ANK3: variants seen among roughly 807,000 people sequenced by gnomAD.
ANK3 encodes the protein ankyrin-3.
In ANK3, 57 loss-of-function variants were observed where a neutral mutation model predicts 370.9. The ratio of observed to expected loss-of-function variants is 0.15; its 90% CI spans 0.12 to 0.19. The LOEUF (loss-of-function observed/expected upper bound fraction) is 0.19, where lower values mean the gene tolerates loss of function less well. ANK3 is among the 10% of genes least tolerant of loss of function. The pLI is 1.00. For missense variants in ANK3, 4,439 were observed against 5,302.1 expected, an observed-to-expected ratio of 0.84 and a Z score of 5.06; for synonymous variants, 1,929 against 1,946.3, an observed-to-expected ratio of 0.99 and a Z score of 0.23.
At chr10:60,241,752 T>C (rs2097462146) in intron 7 of ANK3, among the ~76,000 whole-genome samples, 3 of 152,180 alleles carry the variant, frequency 2.0e-5, no homozygotes, top group Non-Finnish European at 2.9e-5. Context: ...TACTTTTTTT[T>C]CTCTAGTATT....
chr10:60,408,095 T>G (rs902702719), intron 2 of ANK3, among the ~76,000 whole-genome samples: 8 of 152,224 alleles, frequency 5.3e-5, no homozygotes, highest in Admixed American at 3.3e-4. Context: ...TTCTCTGGAA[T>G]AAATCCATGG....
intron 18 of ANK3, 59 bp downstream of exon 18, chr10:60,181,270 C>T: frequency 7.3e-7 from 1 of 1,377,078 alleles, no homozygotes. Flanking sequence ...TAGTTTCTTC[C>T]TTACTGCAGT....
chr10:60,414,718 C>G (rs2063625931), intron 2 of ANK3, among the ~76,000 whole-genome samples: 3 of 152,080 alleles, frequency 2.0e-5, no homozygotes, highest in African/African-American at 7.2e-5. Context: ...TACTGGATGT[C>G]CAAACAATAT....
intron 1 of ANK3, among the ~76,000 whole-genome samples, chr10:60,704,525 A>C (rs764088771): frequency 1.5e-4 from 22 of 148,182 alleles, no homozygotes; most frequent in Non-Finnish European, 2.9e-4. Context: ...AAACTCAGAG[A>C]AAAAAAAATA....
At chr10:60,505,835 G>A (rs191402022) in intron 2 of ANK3, among the ~76,000 whole-genome samples, 11 of 152,142 alleles carry the variant, frequency 7.2e-5, no homozygotes, top group Non-Finnish European at 1.3e-4. Flanking sequence ...CCTCCAAACT[G>A]TATTTTCCAA....
In ANK3 at chr10:60,028,788, A is replaced by T. The variant is rs957776508; in HGVS notation, c.*1058T>A. On this transcript the variant is annotated 3_prime_UTR_variant, in exon 44 of 44. Transcript: ENST00000280772. ...AGCACCATCCACCTCTAAAGCGGCA[A>T]GCATTTACCCCCTTTTAAGCACTAA... 6.6e-6 allele frequency: 1 copy of T among 152,600 alleles called. No individual in the cohort carries two copies. Among genetic ancestry groups the T allele is most frequent in the Non-Finnish European group, 1.5e-5 (1 of 68,058 alleles). The allele number at this position is 152,600 out of a possible 1,614,324, so 9.5% of individuals were successfully genotyped here.
chr10:60,383,724 G>A (rs2061859380), intron 1 of ANK3, among the ~76,000 whole-genome samples: 1 of 110,652 alleles, frequency 9.0e-6, no homozygotes, highest in African/African-American at 3.5e-5. Context: ...AACAGAGCAA[G>A]TTTCCTTGAT....
chr10:60,533,368 G>C (rs1032526591), intron 2 of ANK3, among the ~76,000 whole-genome samples: 1 of 152,148 alleles, frequency 6.6e-6, no homozygotes, highest in African/African-American at 2.4e-5. Context: ...GAGCTGGACA[G>C]AGGGTTTATT....
At chr10:60,582,268 A>G (rs1201782055) in intron 2 of ANK3, among the ~76,000 whole-genome samples, 5 of 151,994 alleles carry the variant, frequency 3.3e-5, no homozygotes, top group African/African-American at 7.2e-5. Flanking sequence ...CTTAAAGTAT[A>G]ATAATAATAA....
rs545057408 is a variant in ANK3, at chr10:60,725,682, T to C, written c.57+7581A>G. ...TGATATGGTTGTTGTGAGACATGAA[T>C]ACAAAGAAATAACATGAGAGTACTT... On this transcript the variant is annotated intron_variant, in intron 1 of 43. Coordinates refer to the ANK3 transcript ENST00000373827. 1.2e-4 allele frequency among the ~76,000 whole-genome samples: 18 copies of C among 152,298 alleles called. No individual in the cohort carries two copies. In the South Asian group the frequency reaches 2.5e-3, roughly 21 times the overall value.
chr10:60,263,618 C>CT (rs914902496), intron 6 of ANK3, among the ~76,000 whole-genome samples: 5 of 152,120 alleles, frequency 3.3e-5, no homozygotes, highest in African/African-American at 1.2e-4. Context: ...GGTGGCCTCC[C>CT]TTTTAGCACG....
chr10:60,030,328 G>C (rs2073155199), intron 43 of ANK3, among the ~76,000 whole-genome samples: 2 of 151,976 alleles, frequency 1.3e-5, no homozygotes, highest in Admixed American at 1.3e-4. Context: ...ATTTTTAGTA[G>C]AGACGGGGTT....
chr10:60,314,574 C>T (rs1009940773), intron 1 of ANK3, among the ~76,000 whole-genome samples: 2 of 152,114 alleles, frequency 1.3e-5, no homozygotes, highest in African/African-American at 4.8e-5. Context: ...AGAGGATAAG[C>T]GTATTTCTGT....
At chr10:60,133,280 A>G (rs1327907479) in intron 25 of ANK3, among the ~76,000 whole-genome samples, 1 of 152,214 alleles carries the variant, frequency 6.6e-6, no homozygotes, top group African/African-American at 2.4e-5. Context: ...TATTGTCCAG[A>G]TAGTTTCATC....
chr10:60,310,675 G>A (rs1356286874), intron 1 of ANK3, among the ~76,000 whole-genome samples: 1 of 152,172 alleles, frequency 6.6e-6, no homozygotes, highest in Non-Finnish European at 1.5e-5. Context: ...ATGCCAGACA[G>A]ATCTGTAATC....
At chr10:60,682,600 T>C (rs911012266) in intron 1 of ANK3, among the ~76,000 whole-genome samples, 1 of 152,152 alleles carries the variant, frequency 6.6e-6, no homozygotes, top group Non-Finnish European at 1.5e-5. Context: ...CCTTTCTGAC[T>C]GAGGGTCTTA....
intron 2 of ANK3, among the ~76,000 whole-genome samples, chr10:60,539,732 G>A (rs975909483): frequency 2.0e-5 from 3 of 151,874 alleles, no homozygotes; most frequent in Non-Finnish European, 4.4e-5. Flanking sequence ...AAAGTCCCAA[G>A]AGACAGCCTC....
In ANK3 at chr10:60,068,831, T is replaced by C. The variant is rs2082126443; in HGVS notation, c.12050A>G (p.Glu4017Gly). Reference sequence around the variant, plus strand: ...CAACTCGGACTGCATCTTTTTTTCTTCTTCAGAGAGGCGGTCCACAAGCTT... The same window carrying C: ...CAACTCGGACTGCATCTTTTTTTCTCCTTCAGAGAGGCGGTCCACAAGCTT... ...TLKLVDRLSE[E>G]EKKMQSELSD... Residue 4017 changes from glutamate to glycine, a missense_variant, in exon 37 of 44, where the codon GAA becomes GGA. Transcript: ENST00000280772. 1 of 1,614,190 alleles carries C rather than the reference T, an allele frequency of 6.2e-7. No homozygotes were observed. The highest frequency in any genetic ancestry group is 8.5e-7 in the Non-Finnish European group (1 of 1,180,036).
intron 8 of ANK3, among the ~76,000 whole-genome samples, chr10:60,223,523 T>A (rs1195410090): frequency 6.6e-6 from 1 of 151,900 alleles, no homozygotes; most frequent in South Asian, 2.1e-4. Flanking sequence ...GGAGGTAACT[T>A]AGTACTATGT....
Sources: gnomAD v4.1 joint callset for allele counts (sites outside exome capture counted in the v4.1 genomes callset) on GRCh38, gnomAD v4.1.1 for gene constraint, MANE v1.5 for transcripts, NCBI Gene and HGNC (gene_info 2026-07-23, HGNC 2026-07-21) for gene names.